The following NEUROD4 variants were observed in gnomAD, a reference collection of about 807,000 sequenced individuals.
NEUROD4 encodes neurogenic differentiation factor 4.
A neutral mutation model predicts 19.8 loss-of-function variants in NEUROD4; 16 were observed. The observed-to-expected ratio is 0.81, with a 90% CI of 0.55 to 1.23. NEUROD4 has a LOEUF of 1.23. Ranked by LOEUF, NEUROD4 falls within the 50% of genes most tolerant of loss-of-function variation. NEUROD4 has a pLI of 0.00. For synonymous variants in NEUROD4, 153 were observed against 147.9 expected, an observed-to-expected ratio of 1.03 and a Z score of -0.25; for missense variants, 439 against 398.6, an observed-to-expected ratio of 1.10 and a Z score of -0.86.
chr12:55,024,794 G>C (rs565741387), intron 1 of NEUROD4, among the ~76,000 whole-genome samples: 1 of 152,336 alleles, frequency 6.6e-6, no homozygotes, highest in South Asian at 2.1e-4. Flanking sequence ...TATTAAGTGA[G>C]TAAGTCAAGC....
chr12:55,020,685 GGAA>G (rs1179438895), intron 1 of NEUROD4, among the ~76,000 whole-genome samples: 1 of 152,142 alleles, frequency 6.6e-6, no homozygotes, highest in Non-Finnish European at 1.5e-5. Flanking sequence ...CAAGTAGGTT[GGAA>G]GAATTGACCC....
At chr12:55,021,357 T>C (rs1952672397) in intron 1 of NEUROD4, among the ~76,000 whole-genome samples, 1 of 152,236 alleles carries the variant, frequency 6.6e-6, no homozygotes, top group Non-Finnish European at 1.5e-5. Context: ...ATTTAGTTCT[T>C]AGATTTCCTA....
In NEUROD4 at chr12:55,026,480, T is replaced by C. The variant is rs776191414; in HGVS notation, c.41T>C (p.Leu14Pro). The change falls in exon 2 of 2, where the codon CTA becomes CCA. Residue 14 changes from leucine to proline, a missense_variant. By Grantham distance (98) the Leu-to-Pro change is moderately conservative. Transcript: ENST00000242994. ...TFVKSKEMGE[L>P]VNTPSWMDKG... ...GTAAAATCCAAGGAGATGGGAGAGC[T>C]AGTCAACACACCATCCTGGATGGAT... The C allele has an allele frequency of 6.2e-7, 1 of 1,612,898 alleles. No homozygotes were observed. The highest frequency in any genetic ancestry group is 1.7e-5 in the Admixed American group (1 of 59,884).
At chr12:55,026,331 G>T (rs1238423766) in intron 1 of NEUROD4, 100 bp from the exon 2 acceptor site, 1 of 1,019,436 alleles carries the variant, frequency 9.8e-7, no homozygotes, top group Non-Finnish European at 1.4e-6. Flanking sequence ...TGGTCATTTA[G>T]AATGGAAGAC....
At chr12:55,024,536 TC>T (rs1462074975) in intron 1 of NEUROD4, among the ~76,000 whole-genome samples, 1 of 152,180 alleles carries the variant, frequency 6.6e-6, no homozygotes, top group Non-Finnish European at 1.5e-5. Context: ...GCATTAGGTT[TC>T]CCAAGCCCAC....
At position 55,026,492 on chromosome 12, in the gene NEUROD4, C is replaced by T. The variant is rs530893583; in HGVS notation, c.53C>T (p.Pro18Leu). The T allele has an allele frequency of 6.2e-7, 1 of 1,613,636 alleles. No individual in the cohort carries two copies. Among genetic ancestry groups the T allele is most frequent in the Admixed American group, 1.7e-5 (1 of 59,974 alleles). ...SKEMGELVNT[P>L]SWMDKGLGSQ... ...GAGATGGGAGAGCTAGTCAACACAC[C>T]ATCCTGGATGGATAAAGGTCTGGGC... is the stretch of plus-strand genomic sequence containing the variant. Residue 18 changes from proline (P) to leucine (L), a missense_variant, in exon 2 of 2, where the codon CCA (proline) becomes CTA (leucine). By Grantham distance (98) the Pro-to-Leu change is moderately conservative. Transcript: ENST00000242994.
intron 1 of NEUROD4, among the ~76,000 whole-genome samples, chr12:55,024,954 G>A (rs188075232): frequency 2.2e-4 from 34 of 152,270 alleles, no homozygotes; most frequent in African/African-American, 7.7e-4. Context: ...ATTTTTAAAA[G>A]CTATGTACTA....
In NEUROD4 at chr12:55,027,342, T is replaced by C. The variant is rs1952746831; in HGVS notation, c.903T>C (p.Gly301=). 1.2e-6 allele frequency: 2 copies of C among 1,614,032 alleles called. No individual in the cohort carries two copies. The highest frequency in any genetic ancestry group is 1.7e-6 in the Non-Finnish European group (2 of 1,180,004). The change falls in exon 2 of 2, where the codon GGT becomes GGC. Residue 301 remains glycine, a synonymous_variant. Transcript: ENST00000242994. The part of the protein sequence containing the change: ...GHVHSTPFQA[G]TPRYDVPIDM... ...TGCATTCAACTCCTTTTCAGGCTGG[T>C]ACCCCCCGTTATGATGTTCCTATAG...
chr12:55,026,713 G>T lies in NEUROD4; in HGVS notation c.274G>T (p.Ala92Ser), dbSNP rs866926314. The T allele has an allele frequency of 6.2e-7, 1 of 1,614,172 alleles. No individual in the cohort carries two copies. Among genetic ancestry groups the T allele is most frequent in the Admixed American group, 1.7e-5 (1 of 60,026 alleles). Reference protein sequence around the residue: ...LERFRARRVKANARERTRMHG... With the variant: ...LERFRARRVKSNARERTRMHG... ...GAGATTCAGGGCTCGAAGAGTCAAG[G>T]CTAATGCCAGAGAACGGACCCGGAT... The change falls in exon 2 of 2, where the codon GCT (alanine) becomes TCT (serine). Residue 92 changes from alanine to serine, a missense_variant. Transcript: ENST00000242994.
At chr12:55,021,125 C>T (rs1952671162) in intron 1 of NEUROD4, among the ~76,000 whole-genome samples, 1 of 152,030 alleles carries the variant, frequency 6.6e-6, no homozygotes, top group African/African-American at 2.4e-5. Flanking sequence ...GGCAATGGCA[C>T]CTGAAGTATT....
chr12:55,027,050 A>G lies in NEUROD4; in HGVS notation c.611A>G (p.Tyr204Cys), dbSNP rs530830280. 3 of 1,614,106 alleles carry G rather than the reference A, an allele frequency of 1.9e-6. No individual in the cohort carries two copies. Among genetic ancestry groups the G allele is most frequent in the East Asian group, 4.5e-5 (2 of 44,868 alleles). The change falls in exon 2 of 2, where the codon TAT becomes TGT. Residue 204 changes from tyrosine to cysteine, a missense_variant. Physicochemically the swap from Tyr to Cys is radical, Grantham distance 194. Coordinates refer to ENST00000242994, the MANE Select transcript of NEUROD4 (RefSeq NM_021191.3). ...GCCATCTCTGTCCACAACTTCAACT[A>G]TCAGTCTCCGGGGCTTCCTAGCCCT... is the stretch of plus-strand genomic sequence containing the variant. ...DSAISVHNFN[Y>C]QSPGLPSPPY...
chr12:55,029,593 T>G lies in NEUROD4; in HGVS notation c.*2158T>G, dbSNP rs1565598575. On this transcript the variant is annotated 3_prime_UTR_variant, in exon 2 of 2. Coordinates refer to ENST00000242994, the MANE Select transcript of NEUROD4 (RefSeq NM_021191.3). Reference sequence around the variant, plus strand: ...AAAATTTTATTTGGAAAGTAGCTCATAATTTTGCTAAGAACTGCTGAGTTT... The same window carrying G: ...AAAATTTTATTTGGAAAGTAGCTCAGAATTTTGCTAAGAACTGCTGAGTTT... The G allele has an allele frequency of 6.0e-6, 1 of 167,076 alleles. No individual in the cohort carries two copies. Among genetic ancestry groups the G allele is most frequent in the Non-Finnish European group, 1.5e-5 (1 of 68,102 alleles). 10.3% of individuals were successfully genotyped at this position (167,076 alleles called of 1,614,324 possible).
rs1952728030 is a variant in NEUROD4 at position 55,026,322 on chromosome 12, G to A, written c.-9-109G>A. ...TGGGAATTTCTTTCAGTTTTGGACT[G>A]GTCATTTAGAATGGAAGACTTGGAC... On this transcript the variant is annotated intron_variant, in intron 1 of 1. Transcript: ENST00000242994. The A allele has an allele frequency of 3.4e-6, 3 of 876,340 alleles. No individual in the cohort carries two copies. In the South Asian group the frequency reaches 5.7e-5, roughly 17 times the overall value. 54.3% of individuals were successfully genotyped at this position (876,340 alleles called of 1,614,324 possible).
Position 55,028,722 on chromosome 12 carries a change from A to G in NEUROD4, c.*1287A>G, listed in dbSNP as rs1952761499. Reference sequence around the variant, plus strand: ...AATATGTTATTATATATTGTAAATAACATTTCAGGTGACCAAACTTAAGGA... The same window carrying G: ...AATATGTTATTATATATTGTAAATAGCATTTCAGGTGACCAAACTTAAGGA... On this transcript the variant is annotated 3_prime_UTR_variant, in exon 2 of 2. Transcript: ENST00000242994. 6.0e-6 allele frequency: 1 copy of G among 167,106 alleles called. No individual in the cohort carries two copies. Among genetic ancestry groups the G allele is most frequent in the South Asian group, 2.1e-4 (1 of 4,832 alleles). The allele number at this position is 167,106 out of a possible 1,614,324, so 10.4% of individuals were successfully genotyped here. A position where few individuals can be genotyped will look rare whatever the true frequency, so the allele number is the denominator to read the frequency against.
At chr12:55,022,545 C>T (rs534349542) in intron 1 of NEUROD4, among the ~76,000 whole-genome samples, 91 of 152,206 alleles carry the variant, frequency 6.0e-4, no homozygotes, top group African/African-American at 2.2e-3. Flanking sequence ...GCATATTATC[C>T]TCAGAGCTCT....
chr12:55,024,262 T>C (rs1952700898), intron 1 of NEUROD4, among the ~76,000 whole-genome samples: 1 of 152,144 alleles, frequency 6.6e-6, no homozygotes, highest in Non-Finnish European at 1.5e-5. Flanking sequence ...ATAGCTGTGA[T>C]AGAAGAAGAA....
At position 55,027,365 on chromosome 12, in the gene NEUROD4, T is replaced by C. The variant is rs377673443; in HGVS notation, c.926T>C (p.Ile309Thr). 3.1e-6 allele frequency: 5 copies of C among 1,613,914 alleles called. No homozygotes were observed. In the African/African-American group the frequency reaches 4.0e-5, roughly 13 times the overall value. ...GGTACCCCCCGTTATGATGTTCCTA[T>C]AGACATGTCCTATGATTCCTACCCC... ...QAGTPRYDVP[I>T]DMSYDSYPHH... The change falls in exon 2 of 2, where the codon ATA becomes ACA. Residue 309 changes from isoleucine to threonine, a missense_variant. Transcript: ENST00000242994.
chr12:55,025,572 C>A (rs1171901968), intron 1 of NEUROD4, among the ~76,000 whole-genome samples: 1 of 152,208 alleles, frequency 6.6e-6, no homozygotes, highest in East Asian at 1.9e-4. Flanking sequence ...GATAACCCTC[C>A]TTTCTTTTCA....
rs552459073 is a variant in NEUROD4, at chr12:55,028,468, C to T, written c.*1033C>T. 2.6e-4 allele frequency: 44 copies of T among 167,148 alleles called. No homozygotes were observed. The highest frequency in any genetic ancestry group is 1.0e-3 in the African/African-American group (43 of 41,562). 10.4% of individuals were successfully genotyped at this position (167,148 alleles called of 1,614,324 possible). On this transcript the variant is annotated 3_prime_UTR_variant, in exon 2 of 2. Transcript: ENST00000242994. ...AACTACTATAGTTCAGGGACTCTCTCCAGCTCACAGTTGCCCATGGGAAAA... is the reference window on the plus strand; with the variant it reads ...AACTACTATAGTTCAGGGACTCTCTTCAGCTCACAGTTGCCCATGGGAAAA...
Sources: gnomAD v4.1 joint callset for allele counts (sites outside exome capture counted in the v4.1 genomes callset) on GRCh38, gnomAD v4.1.1 for gene constraint, MANE v1.5 for transcripts, NCBI Gene and HGNC (gene_info 2026-07-23, HGNC 2026-07-21) for gene names.